The following ARFGAP3 variants were observed in gnomAD, a reference collection of about 807,000 sequenced individuals.
The protein encoded by ARFGAP3 is ARF GTPase activating protein 3, also known as ADP-ribosylation factor GTPase-activating protein 3.
In ARFGAP3, 72 loss-of-function variants were observed where a neutral mutation model predicts 75.0. The observed-to-expected ratio is 0.96, with a 90% CI of 0.79 to 1.17. ARFGAP3 has a LOEUF of 1.17. ARFGAP3 is among the 50% of genes most tolerant of loss of function. The pLI is 0.00. For synonymous variants in ARFGAP3, 221 were observed against 217.9 expected, an observed-to-expected ratio of 1.01 and a Z score of -0.13; for missense variants, 620 against 626.6, an observed-to-expected ratio of 0.99 and a Z score of 0.11.
intron 7 of ARFGAP3, among the ~76,000 whole-genome samples, chr22:42,825,059 C>T (rs552029268): frequency 5.9e-5 from 9 of 152,200 alleles, no homozygotes; most frequent in East Asian, 1.9e-4. Flanking sequence ...ATATAAAGTT[C>T]GCAGCCTGGA....
chr22:42,828,681 CTT>C (rs11379515), intron 6 of ARFGAP3, among the ~76,000 whole-genome samples: 5 of 116,242 alleles, frequency 4.3e-5, no homozygotes, highest in Admixed American at 1.0e-4. Context: ...AGCCCCCGGC[CTT>C]TTTTTTTTTT....
intron 1 of ARFGAP3, among the ~76,000 whole-genome samples, chr22:42,850,232 T>C (rs1408190145): frequency 1.3e-5 from 2 of 152,014 alleles, no homozygotes; most frequent in Non-Finnish European, 2.9e-5. Flanking sequence ...AAAAAATTCC[T>C]CTAATAGAGG....
At chr22:42,820,529 T>C (rs1030251267) in intron 9 of ARFGAP3, among the ~76,000 whole-genome samples, 1 of 152,248 alleles carries the variant, frequency 6.6e-6, no homozygotes. Flanking sequence ...CAGGTACTGT[T>C]TGATGCACTT....
At chr22:42,823,371 T>C (rs936971911) in intron 8 of ARFGAP3, among the ~76,000 whole-genome samples, 4 of 142,402 alleles carry the variant, frequency 2.8e-5, no homozygotes, top group African/African-American at 2.6e-5. Flanking sequence ...TCATTGCTTA[T>C]TGATCTACAC....
intron 11 of ARFGAP3, among the ~76,000 whole-genome samples, chr22:42,813,857 A>T (rs1168491068): frequency 6.6e-6 from 1 of 152,194 alleles, no homozygotes; most frequent in Non-Finnish European, 1.5e-5. Flanking sequence ...TTCCTTCCTC[A>T]TCTCCAAACC....
At chr22:42,833,071 A>T (rs1039633123) in intron 5 of ARFGAP3, among the ~76,000 whole-genome samples, 2 of 152,150 alleles carry the variant, frequency 1.3e-5, no homozygotes, top group Non-Finnish European at 2.9e-5. Flanking sequence ...CTTTCCCTAG[A>T]TCTAAGTGAT....
intron 11 of ARFGAP3, among the ~76,000 whole-genome samples, chr22:42,815,138 C>CTGTG (rs1200796972): frequency 3.9e-5 from 6 of 152,174 alleles, no homozygotes; most frequent in African/African-American, 1.4e-4. Flanking sequence ...TAATACAGAC[C>CTGTG]CGTACTGCCA....
intron 9 of ARFGAP3, 55 bp from the exon 10 acceptor site, chr22:42,817,912 T>TA (rs1925651541): frequency 7.2e-7 from 1 of 1,394,330 alleles, no homozygotes; most frequent in East Asian, 2.7e-5. Context: ...GTTCTTATAT[T>TA]AAAATAGCAA....
intron 11 of ARFGAP3, among the ~76,000 whole-genome samples, chr22:42,814,903 A>G (rs1347538802): frequency 1.3e-5 from 2 of 152,126 alleles, no homozygotes; most frequent in Non-Finnish European, 2.9e-5. Context: ...CTAGGCTAAT[A>G]TTTTTGAAAT....
chr22:42,821,626 G>A, intron 9 of ARFGAP3, among the ~76,000 whole-genome samples: 1 of 152,160 alleles, frequency 6.6e-6, no homozygotes, highest in East Asian at 1.9e-4. Context: ...TCATTTATCA[G>A]TTGGTAGACA....
intron 13 of ARFGAP3, among the ~76,000 whole-genome samples, chr22:42,808,397 C>CA (rs200499015): frequency 0.25 from 30,590 of 121,854 alleles, 4,608 homozygotes; most frequent in African/African-American, 0.46. Context: ...GGCTCCGTCT[C>CA]AAAAAAAAAA....
Position 42,797,534 on chromosome 22 carries a change from A to G in ARFGAP3, c.*54T>C. On this transcript the variant is annotated 3_prime_UTR_variant, in exon 16 of 16. Transcript: ENST00000263245. ...CTTCACTGCCGCCTGAGATGTGGTT[A>G]CTTGTTCATTTAAAGAGGAATTTCT... 6.2e-7 allele frequency: 1 copy of G among 1,611,632 alleles called. No homozygotes were observed. Among genetic ancestry groups the G allele is most frequent in the Non-Finnish European group, 8.5e-7 (1 of 1,177,808 alleles).
chr22:42,846,038 CAAAAAAA>C (rs60266541), intron 2 of ARFGAP3, among the ~76,000 whole-genome samples: 2 of 88,108 alleles, frequency 2.3e-5, no homozygotes, highest in Admixed American at 1.3e-4. Context: ...AACTCCATCT[CAAAAAAA>C]AAAAAAAAAA....
In ARFGAP3 at chr22:42,831,604, T is replaced by TGC. The variant is rs1926292370; in HGVS notation, c.508_509dup (p.Glu171GlnfsTer6). 1 of 1,613,986 alleles carries TGC rather than the reference T, an allele frequency of 6.2e-7. No individual in the cohort carries two copies. The highest frequency in any genetic ancestry group is 2.2e-5 in the East Asian group (1 of 44,880). ...GCCTTGATGTTAAAGAAGATGGTTC[T>TGC]GCTATTGCTGATGCCCACGCTGTGT... is the stretch of plus-strand genomic sequence containing the variant. On this transcript the variant is annotated frameshift_variant, in exon 6 of 16. Transcript: ENST00000263245. LOFTEE classifies it high-confidence loss of function.
intron 2 of ARFGAP3, among the ~76,000 whole-genome samples, chr22:42,844,228 G>C (rs1926909143): frequency 6.6e-6 from 1 of 151,908 alleles, no homozygotes; most frequent in South Asian, 2.1e-4. Flanking sequence ...TTTGAGTCAG[G>C]GTCTTTGTTC....
rs5751372 is a variant in ARFGAP3 at position 42,797,317 on chromosome 22, T to C, written c.*271A>G. On this transcript the variant is annotated 3_prime_UTR_variant, in exon 16 of 16. Transcript: ENST00000263245. ...GGTCTCCAGGCCCTCAGTGTTGAAA[T>C]CAAAGGTTCCAAGAAAATAAAGCAA... 0.44 allele frequency: 207,928 copies of C among 470,522 alleles called. 48,956 individuals are homozygous for C. The highest frequency in any genetic ancestry group is 0.51 in the African/African-American group (25,416 of 49,706). The allele number at this position is 470,522 out of a possible 1,614,324, so 29.1% of individuals were successfully genotyped here.
intron 4 of ARFGAP3, 85 bp from the exon 5 acceptor site, chr22:42,834,410 C>G (rs2146564941): frequency 6.5e-7 from 1 of 1,546,524 alleles, no homozygotes; most frequent in South Asian, 1.3e-5. Flanking sequence ...CCCTTAGAGA[C>G]CTGTTTCCTA....
In ARFGAP3 at chr22:42,839,126, A is replaced by G. The variant is rs1454383151; in HGVS notation, c.261+1818T>C. Among the ~76,000 whole-genome samples, 11 of 57,532 alleles carry G rather than the reference A, an allele frequency of 1.9e-4. No individual in the cohort carries two copies. In the South Asian group the frequency reaches 2.1e-3, roughly 11 times the overall value. 37.7% of individuals were successfully genotyped at this position (57,532 alleles called of 152,430 possible). ...TTCCGTCTCAAAAAAAAAAAAAGAA[A>G]AAAAAAAAAAAAGAAAATCCTTACT... On this transcript the variant is annotated intron_variant, in intron 3 of 15. Transcript: ENST00000263245.
At chr22:42,834,196 T>A (rs199512371) in intron 5 of ARFGAP3, 46 bp downstream of exon 5, 18 of 1,557,388 alleles carry the variant, frequency 1.2e-5, no homozygotes, top group Non-Finnish European at 1.5e-5. Flanking sequence ...TTTTGTTAAC[T>A]GTCAGAGTAA....
Sources: gnomAD v4.1 joint callset for allele counts (sites outside exome capture counted in the v4.1 genomes callset) on GRCh38, gnomAD v4.1.1 for gene constraint, MANE v1.5 for transcripts, NCBI Gene and HGNC (gene_info 2026-07-23, HGNC 2026-07-21) for gene names.